The following LAMA1 variants were observed in gnomAD, a reference collection of about 807,000 sequenced individuals.
LAMA1 encodes laminin subunit alpha 1, also known as laminin subunit alpha-1.
A neutral mutation model predicts 348.7 loss-of-function variants in LAMA1; 219 were observed. That is an observed-to-expected ratio of 0.63 (90% CI 0.56 to 0.70). The LOEUF (loss-of-function observed/expected upper bound fraction) is 0.70. Ranked by LOEUF, LAMA1 falls within the 30% of genes least tolerant of loss-of-function variation. The probability of loss-of-function intolerance (pLI) is 0.00; values close to 1 mark genes in which losing one functional copy is unlikely to be tolerated. For missense variants in LAMA1, 3,744 were observed against 3,888.0 expected (o/e 0.96, Z 0.99); for synonymous variants, 1,487 against 1,491.0 (o/e 1.00, Z 0.06).
At chr18:6,988,631 C>T (rs2057745546) in intron 36 of LAMA1, among the ~76,000 whole-genome samples, 1 of 151,988 alleles carries the variant, frequency 6.6e-6, no homozygotes, top group Admixed American at 6.6e-5. Flanking sequence ...GAAACCCTGT[C>T]TCTACAAAAA....
intron 48 of LAMA1, among the ~76,000 whole-genome samples, chr18:6,969,357 A>G (rs187909982): frequency 2.0e-5 from 3 of 152,316 alleles, no homozygotes; most frequent in East Asian, 3.9e-4. Context: ...GAAAGGGTTC[A>G]AGCTCAAGTG....
At chr18:6,968,347 C>A (rs2144022370) in intron 48 of LAMA1, among the ~76,000 whole-genome samples, 1 of 152,326 alleles carries the variant, frequency 6.6e-6, no homozygotes, top group South Asian at 2.1e-4. Flanking sequence ...GCATGCCCTG[C>A]TGCCGTCATG....
Position 6,966,152 on chromosome 18 carries a change from C to T in LAMA1, c.7045G>A (p.Gly2349Ser), listed in dbSNP as rs746726879. Residue 2349 changes from glycine (G) to serine (S), a missense_variant, in exon 49 of 63, where the codon GGC (glycine) becomes AGC (serine). Gly to Ser is a moderately conservative substitution (Grantham distance 56, BLOSUM62 0). Around this residue, in one of 3 missense-constraint regions of LAMA1, gnomAD observed 1,983 missense variants for 1,934.3 expected, o/e 1.03. Coordinates refer to ENST00000389658, the MANE Select transcript of LAMA1 (RefSeq NM_005559.4). Reference sequence around the variant, plus strand: ...GGCCGCACAAACACTCTTACTGTGCCGTATGAACCCAGGTAGAGAAGAAGT... The same window carrying T: ...GGCCGCACAAACACTCTTACTGTGCTGTATGAACCCAGGTAGAGAAGAAGT... ...NGLLLYLGSYGTKDFLSIELF... is the reference protein window; with the variant it reads ...NGLLLYLGSYSTKDFLSIELF... 17 of 1,613,812 alleles carry T rather than the reference C, an allele frequency of 1.1e-5. No homozygotes were observed. Among genetic ancestry groups the T allele is most frequent in the South Asian group, 6.6e-5 (6 of 91,046 alleles).
chr18:7,108,979 G>A (rs983435583), intron 1 of LAMA1, among the ~76,000 whole-genome samples: 2 of 152,148 alleles, frequency 1.3e-5, no homozygotes, highest in Non-Finnish European at 2.9e-5. Context: ...AAGAGTTCTG[G>A]AAACAACTAT....
intron 4 of LAMA1, 134 bp from the exon 5 acceptor site, chr18:7,049,391 C>T: frequency 1.3e-6 from 1 of 757,048 alleles, no homozygotes; most frequent in Admixed American, 2.0e-5. Flanking sequence ...CCTCCACCTC[C>T]CAGGTTCAAG....
Position 7,019,351 on chromosome 18 carries a change from C to G in LAMA1, c.2702-1967G>C, listed in dbSNP as rs75306034. Reference sequence around the variant, plus strand: ...GGACGCCCACTCTCCTGCCCTCCCTCTTGTTTCTCGTGTGTCTCCCCTCCG... The same window carrying G: ...GGACGCCCACTCTCCTGCCCTCCCTGTTGTTTCTCGTGTGTCTCCCCTCCG... On this transcript the variant is annotated intron_variant, in intron 19 of 62. Coordinates refer to ENST00000389658, the MANE Select transcript of LAMA1 (RefSeq NM_005559.4). 3.3e-3 allele frequency among the ~76,000 whole-genome samples: 508 copies of G among 152,212 alleles called. 21 individuals carry two copies. The East Asian group carries it at 0.082, about 25-fold the overall frequency.
rs147238612 is a variant in LAMA1 at position 6,966,234 on chromosome 18, T to G, written c.6963A>C (p.Ser2321=). 6.2e-7 allele frequency: 1 copy of G among 1,613,824 alleles called. No homozygotes were observed. The highest frequency in any genetic ancestry group is 1.3e-5 in the African/African-American group (1 of 74,898). ...TTATCTGGGTCACGGTAGCCGGAAG[T>G]GACTTCTCCACGACAGAGTACCCAC... ...DGSGYSVVEK[S]LPATVTQIIM... Residue 2321 remains serine, a synonymous_variant, in exon 49 of 63, where the codon TCA becomes TCC. Transcript: ENST00000389658.
chr18:6,948,162 T>G (rs1018932719), intron 60 of LAMA1, among the ~76,000 whole-genome samples: 2 of 152,230 alleles, frequency 1.3e-5, no homozygotes, highest in African/African-American at 4.8e-5. Context: ...TAGCACCCCA[T>G]GTCTGGCCTC....
intron 3 of LAMA1, among the ~76,000 whole-genome samples, chr18:7,074,934 A>G (rs947941818): frequency 3.1e-5 from 4 of 130,592 alleles, no homozygotes; most frequent in Non-Finnish European, 6.2e-5. Context: ...TCTTTAGTTT[A>G]TCTTGCAGAT....
chr18:6,988,703 A>G (rs1432085239), intron 36 of LAMA1, among the ~76,000 whole-genome samples: 3 of 149,678 alleles, frequency 2.0e-5, no homozygotes, highest in Admixed American at 6.7e-5. Context: ...GCTACTCAGG[A>G]GGCTGAGGAG....
chr18:7,045,408 T>G (rs570060018), intron 6 of LAMA1, among the ~76,000 whole-genome samples: 1 of 152,062 alleles, frequency 6.6e-6, no homozygotes, highest in East Asian at 1.9e-4. Context: ...ATGCGGAGGT[T>G]GCAGTGAGCC....
intron 45 of LAMA1, 37 bp downstream of exon 45, chr18:6,975,900 A>G: frequency 6.2e-7 from 1 of 1,613,572 alleles, no homozygotes; most frequent in Non-Finnish European, 8.5e-7. Flanking sequence ...AAGTGCATAA[A>G]AGATTCAGTG....
In LAMA1 at chr18:6,947,195, C is replaced by G. The variant is rs2057525896; in HGVS notation, c.8812G>C (p.Asp2938His). 1 of 1,614,102 alleles carries G rather than the reference C, an allele frequency of 6.2e-7. No individual in the cohort carries two copies. Among genetic ancestry groups the G allele is most frequent in the South Asian group, 1.1e-5 (1 of 91,092 alleles). ...TCCACAAGCTCTAGTCCAATGGCAT[C>G]CACTTTGGCAGTGCTGATCCCCAGG... ...VLLGISTAKV[D>H]AIGLELVDGK... is the part of the protein sequence containing the mutation. The change falls in exon 61 of 63, where the codon GAT (aspartate) becomes CAT (histidine). Residue 2938 changes from aspartate (D) to histidine (H), a missense_variant. Asp to His is a moderately conservative substitution (Grantham distance 81, BLOSUM62 -1). Around this residue, in one of 3 missense-constraint regions of LAMA1, gnomAD observed 232 missense variants for 264.4 expected, o/e 0.88. Coordinates refer to ENST00000389658, the MANE Select transcript of LAMA1 (RefSeq NM_005559.4).
chr18:7,063,141 C>T (rs2058109194), intron 3 of LAMA1, among the ~76,000 whole-genome samples: 1 of 152,092 alleles, frequency 6.6e-6, no homozygotes, highest in Admixed American at 6.6e-5. Context: ...CTAAATCTAG[C>T]TGAATCGTTG....
At chr18:7,048,563 C>CT (rs1411859872) in intron 5 of LAMA1, among the ~76,000 whole-genome samples, 1 of 152,126 alleles carries the variant, frequency 6.6e-6, no homozygotes, top group Non-Finnish European at 1.5e-5. Flanking sequence ...AATACAACTA[C>CT]TTTTTATATA....
intron 29 of LAMA1, among the ~76,000 whole-genome samples, chr18:7,005,141 G>A (rs1407359463): frequency 6.6e-6 from 1 of 150,910 alleles, no homozygotes; most frequent in Non-Finnish European, 1.5e-5. Context: ...AGGCATGTGA[G>A]GGTACGTGAC....
At chr18:6,958,982 A>G (rs2057594241) in intron 54 of LAMA1, among the ~76,000 whole-genome samples, 1 of 151,974 alleles carries the variant, frequency 6.6e-6, no homozygotes, top group Admixed American at 6.6e-5. Context: ...CATTCAGTCT[A>G]TATTTTGGAG....
intron 44 of LAMA1, among the ~76,000 whole-genome samples, chr18:6,976,478 T>C (rs2057682715): frequency 6.6e-6 from 1 of 152,182 alleles, no homozygotes; most frequent in South Asian, 2.1e-4. Flanking sequence ...ATAGAGCAAT[T>C]ATTGCACTTA....
intron 57 of LAMA1, chr18:6,953,583 C>T (rs2057560153): frequency 6.6e-6 from 1 of 152,186 alleles, no homozygotes; most frequent in South Asian, 2.1e-4. Flanking sequence ...GCCAGAAGGC[C>T]TGGGTTCGAA....
Sources: gnomAD v4.1 joint callset for allele counts (sites outside exome capture counted in the v4.1 genomes callset) on GRCh38, gnomAD v4.1.1 for gene constraint, gnomAD v4.1.1 regional missense constraint, MANE v1.5 for transcripts, NCBI Gene and HGNC (gene_info 2026-07-23, HGNC 2026-07-21) for gene names.